CSMD1: variants seen among roughly 807,000 people sequenced by gnomAD.
The protein encoded by CSMD1 is CUB and Sushi multiple domains 1, also known as CUB and sushi domain-containing protein 1.
A neutral mutation model predicts 417.5 loss-of-function variants in CSMD1; 213 were observed. That is an observed-to-expected ratio of 0.51 (90% CI 0.46 to 0.57). The LOEUF (loss-of-function observed/expected upper bound fraction) is 0.57. CSMD1 is among the 20% of genes least tolerant of loss of function. CSMD1 has a pLI of 0.00. For missense variants in CSMD1, 6,923 were observed against 4,529.7 expected, an observed-to-expected ratio of 1.53 and a Z score of -15.17; for synonymous variants, 2,862 against 1,736.8, an observed-to-expected ratio of 1.65 and a Z score of -16.11.
intron 39 of CSMD1, 61 bp from the exon 40 acceptor site, chr8:3,151,574 C>G (rs1340813453): frequency 1.9e-6 from 2 of 1,062,336 alleles, no homozygotes; most frequent in Non-Finnish European, 2.9e-6. Context: ...AATCTTTGCT[C>G]CAACCTGCTT....
At chr8:4,674,355 A>G (rs1457710120) in intron 1 of CSMD1, among the ~76,000 whole-genome samples, 1 of 152,146 alleles carries the variant, frequency 6.6e-6, no homozygotes, top group African/African-American at 2.4e-5. Flanking sequence ...GTGGAAATAG[A>G]TAGGTTGATG....
intron 3 of CSMD1, among the ~76,000 whole-genome samples, chr8:4,383,891 T>G (rs1031271353): frequency 6.6e-6 from 1 of 152,178 alleles, no homozygotes; most frequent in African/African-American, 2.4e-5. Flanking sequence ...TAAAATATAT[T>G]TTAGATACTC....
intron 49 of CSMD1, 24 bp from the exon 50 acceptor site, chr8:3,052,671 A>T (rs779258854): frequency 2.0e-6 from 3 of 1,498,456 alleles, no homozygotes; most frequent in East Asian, 4.9e-5. Flanking sequence ...AAACAAATGT[A>T]GGCTTATTCT....
chr8:3,003,657 C>A lies in CSMD1; in HGVS notation c.8030-3526G>T, dbSNP rs865827802. Among the ~76,000 whole-genome samples the A allele has an allele frequency of 2.0e-5, 3 of 152,212 alleles. No homozygotes were observed. In the South Asian group the frequency reaches 6.2e-4, roughly 32 times the overall value. ...GATTAAACAAGGAATAAGACACAAT[C>A]GCAGAGGGTAAACGCAGAGGAGCAG... On this transcript the variant is annotated intron_variant, in intron 52 of 69. Coordinates refer to ENST00000635120, the MANE Select transcript of CSMD1 (RefSeq NM_033225.6).
intron 32 of CSMD1, 65 bp downstream of exon 32, chr8:3,201,547 C>T: frequency 1.3e-6 from 1 of 783,804 alleles, no homozygotes; most frequent in Non-Finnish European, 2.0e-6. Context: ...AAGAAACAGA[C>T]AAGTTAAAAA....
At position 4,088,139 on chromosome 8, in the gene CSMD1, C is replaced by A. The variant is rs147345122; in HGVS notation, c.416-56040G>T. Reference sequence around the variant, plus strand: ...CTGCAGTGGGGCTGTGAGGAGGACACTGCCCATTCTCAGTAAAGACATGAA... The same window carrying A: ...CTGCAGTGGGGCTGTGAGGAGGACAATGCCCATTCTCAGTAAAGACATGAA... On this transcript the variant is annotated intron_variant, in intron 3 of 69. Coordinates refer to ENST00000635120, the MANE Select transcript of CSMD1 (RefSeq NM_033225.6). 2.7e-3 allele frequency among the ~76,000 whole-genome samples: 417 copies of A among 152,324 alleles called. 2 individuals are homozygous for A. The highest frequency in any genetic ancestry group is 0.014 in the Middle Eastern group (4 of 294).
chr8:3,641,024 C>CTTTTTTT (rs34851559), intron 7 of CSMD1, among the ~76,000 whole-genome samples: 82 of 102,748 alleles, frequency 8.0e-4, no homozygotes, highest in African/African-American at 1.2e-3. Flanking sequence ...TCCTTTTTTC[C>CTTTTTTT]TTTTTTTTTT....
intron 2 of CSMD1, among the ~76,000 whole-genome samples, chr8:4,455,929 CAAAAAA>C (rs71207091): frequency 2.1e-3 from 24 of 11,638 alleles, no homozygotes; most frequent in Non-Finnish European, 2.9e-3. Flanking sequence ...ACTCCAACTC[CAAAAAA>C]AAAAAAAAAA....
intron 1 of CSMD1, among the ~76,000 whole-genome samples, chr8:4,663,022 A>T (rs1369644543): frequency 6.6e-6 from 1 of 152,190 alleles, no homozygotes; most frequent in East Asian, 1.9e-4. Flanking sequence ...GATTTCCCTG[A>T]AAAATCTCTG....
chr8:3,350,040 C>G (rs1400737748), intron 21 of CSMD1, among the ~76,000 whole-genome samples: 1 of 138,610 alleles, frequency 7.2e-6, no homozygotes, highest in Non-Finnish European at 1.5e-5. Flanking sequence ...TGTTATAATA[C>G]CTATAATAAC....
chr8:4,452,932 T>C (rs540496590), intron 2 of CSMD1, among the ~76,000 whole-genome samples: 14 of 152,264 alleles, frequency 9.2e-5, no homozygotes, highest in African/African-American at 2.6e-4. Context: ...GCCTTTTTAT[T>C]TTAGTTAAAT....
intron 41 of CSMD1, among the ~76,000 whole-genome samples, chr8:3,127,028 G>C (rs576613325): frequency 2.0e-5 from 3 of 152,294 alleles, no homozygotes; most frequent in East Asian, 1.9e-4. Flanking sequence ...TTTGCTTTCA[G>C]AAAACCCATA....
intron 5 of CSMD1, among the ~76,000 whole-genome samples, chr8:3,799,884 C>T (rs1275065291): frequency 6.6e-6 from 1 of 152,132 alleles, no homozygotes; most frequent in Non-Finnish European, 1.5e-5. Context: ...ACATTGCTGA[C>T]TTGCTATATA....
rs566703251 is a variant in CSMD1 at position 4,180,010 on chromosome 8, G to A, written c.416-147911C>T. Among the ~76,000 whole-genome samples the A allele has an allele frequency of 2.0e-5, 3 of 152,208 alleles. No individual in the cohort carries two copies. In the East Asian group the frequency reaches 5.8e-4, roughly 30 times the overall value. On this transcript the variant is annotated intron_variant, in intron 3 of 69. Transcript: ENST00000635120. ...GTAAACTAATTCAACCATTGTGGAA[G>A]TCAGTGTGGCGATTCCTCAAGGACC...
chr8:3,469,220 G>C (rs1816948451), intron 11 of CSMD1: 1 of 157,356 alleles, frequency 6.4e-6, no homozygotes, highest in South Asian at 2.0e-4. Context: ...CTGTAGGATT[G>C]CACAACACCA....
intron 4 of CSMD1, among the ~76,000 whole-genome samples, chr8:4,016,987 C>T (rs1377244950): frequency 6.6e-6 from 1 of 152,110 alleles, no homozygotes; most frequent in African/African-American, 2.4e-5. Context: ...ACCCTGAAAT[C>T]ACAATAACAG....
intron 23 of CSMD1, among the ~76,000 whole-genome samples, chr8:3,308,735 T>A (rs939192939): frequency 3.4e-5 from 2 of 59,196 alleles, no homozygotes; most frequent in African/African-American, 1.1e-4. Context: ...CTTACAAGTT[T>A]TTTTTTTTTT....
intron 1 of CSMD1, among the ~76,000 whole-genome samples, chr8:4,744,970 C>T (rs754669225): frequency 6.3e-4 from 96 of 152,246 alleles, no homozygotes; most frequent in Non-Finnish European, 9.9e-4. Context: ...AAATCAGACA[C>T]ATTTGAAAAC....
intron 26 of CSMD1, among the ~76,000 whole-genome samples, chr8:3,263,324 C>T (rs1161260225): frequency 6.6e-6 from 1 of 152,186 alleles, no homozygotes; most frequent in Non-Finnish European, 1.5e-5. Context: ...GTCTCGAACT[C>T]CTGGCCTCAA....
Sources: allele counts gnomAD v4.1 joint callset (sites outside exome capture counted in the v4.1 genomes callset), GRCh38; gene constraint gnomAD v4.1.1; transcripts MANE v1.5; gene names NCBI Gene and HGNC (gene_info 2026-07-23, HGNC 2026-07-21).